The following S100A8 variants were observed in gnomAD, a reference collection of about 807,000 sequenced individuals.
S100A8 encodes protein S100-A8.
A neutral mutation model predicts 4.2 loss-of-function variants in S100A8; 1 was observed. The ratio of observed to expected loss-of-function variants is 0.24; its 90% CI spans 0.08 to 1.12. S100A8 has a LOEUF of 1.12. S100A8 is among the 50% of genes most tolerant of loss of function. S100A8 has a pLI of 0.53. For missense variants in S100A8, 96 were observed against 111.8 expected, an observed-to-expected ratio of 0.86 and a Z score of 0.64; for synonymous variants, 41 against 44.7, an observed-to-expected ratio of 0.92 and a Z score of 0.33.
chr1:153,418,037 T>A, the S100A8 span: 6 of 1,611,160 alleles, frequency 3.7e-6, no homozygotes, highest in East Asian at 4.5e-5. Context: ...CAAACTAAGG[T>A]AAGAAATGAT....
At chr1:153,403,473 C>T in the S100A8 span, among the ~76,000 whole-genome samples, 2 of 152,190 alleles carry the variant, frequency 1.3e-5, no homozygotes, top group African/African-American at 4.8e-5. Flanking sequence ...GCTCTACCTC[C>T]TGTCGAAATC....
chr1:153,421,773 A>C, the S100A8 span: 16 of 152,238 alleles, frequency 1.1e-4, no homozygotes, highest in African/African-American at 3.9e-4. Flanking sequence ...GGCCACTCCT[A>C]ATGTGGGCCT....
At chr1:153,422,170 TAGAACAG>T in the S100A8 span, 1 of 152,226 alleles carries the variant, frequency 6.6e-6, no homozygotes, top group Admixed American at 6.5e-5. Flanking sequence ...AGGTGGCTTA[TAGAACAG>T]AAGCAGATGG....
At chr1:153,411,368 C>T in the S100A8 span, among the ~76,000 whole-genome samples, 8 of 152,178 alleles carry the variant, frequency 5.3e-5, no homozygotes. Flanking sequence ...CATGAGTGAA[C>T]TCCCATTCAC....
chr1:153,394,732 GC>G (rs1662175699), upstream of S100A8, among the ~76,000 whole-genome samples: 1 of 152,124 alleles, frequency 6.6e-6, no homozygotes, highest in Non-Finnish European at 1.5e-5. Context: ...GGCAAATTCT[GC>G]CCCAGAGCCT....
chr1:153,417,953 T>C, the S100A8 span: 3 of 1,347,616 alleles, frequency 2.2e-6, no homozygotes, highest in Non-Finnish European at 3.0e-6. Flanking sequence ...TCAAGTTCCT[T>C]CTGCTCCATC....
the S100A8 span, among the ~76,000 whole-genome samples, chr1:153,409,946 A>T: frequency 1.3e-5 from 2 of 152,248 alleles, no homozygotes; most frequent in South Asian, 2.1e-4. Flanking sequence ...ACAAAGACAC[A>T]ACATACCAGA....
At chr1:153,410,536 A>G in the S100A8 span, among the ~76,000 whole-genome samples, 1 of 152,230 alleles carries the variant, frequency 6.6e-6, no homozygotes, top group Non-Finnish European at 1.5e-5. Flanking sequence ...TTCACAACCG[A>G]ATTCTACCAG....
the S100A8 span, chr1:153,417,879 C>T: frequency 8.7e-5 from 57 of 653,996 alleles, no homozygotes; most frequent in East Asian, 6.9e-4. Flanking sequence ...CAGGATGGGC[C>T]GGGTCTCAGA....
chr1:153,400,340 T>TG, the S100A8 span, among the ~76,000 whole-genome samples: 5 of 152,252 alleles, frequency 3.3e-5, no homozygotes, highest in East Asian at 9.7e-4. Flanking sequence ...AGATGCTACC[T>TG]GGGCCCCTGA....
the S100A8 span, among the ~76,000 whole-genome samples, chr1:153,406,298 T>C: frequency 6.6e-6 from 1 of 152,110 alleles, no homozygotes; most frequent in African/African-American, 2.4e-5. Context: ...AAACATAGCA[T>C]ATGTGTGGCC....
At chr1:153,390,715 G>A (rs984155432) in intron 1 of S100A8, 158 bp from the exon 2 acceptor site, 4 of 851,132 alleles carry the variant, frequency 4.7e-6, no homozygotes, top group Non-Finnish European at 7.2e-6. Context: ...TGGGAAGGGT[G>A]GGATGATAGG....
upstream of S100A8, chr1:153,391,288 GA>G: frequency 1.3e-6 from 1 of 796,892 alleles, no homozygotes; most frequent in South Asian, 5.7e-5. Flanking sequence ...ATAGTGCCCA[GA>G]AGGAAAAAGC....
chr1:153,390,579 G>A (rs1385864121), intron 1 of S100A8, 22 bp from the exon 2 acceptor site: 2 of 1,611,572 alleles, frequency 1.2e-6, no homozygotes, highest in South Asian at 1.1e-5. Context: ...AACCTTCTGG[G>A]GAATCCCATG....
chr1:153,418,336 A>G, the S100A8 span: 1 of 1,413,130 alleles, frequency 7.1e-7, no homozygotes, highest in East Asian at 2.3e-5. Flanking sequence ...AAAGTTTCCC[A>G]TTTGCAAATA....
the S100A8 span, among the ~76,000 whole-genome samples, chr1:153,400,195 TA>T: frequency 1.3e-5 from 2 of 152,186 alleles, no homozygotes; most frequent in Admixed American, 6.5e-5. Flanking sequence ...GAGGATTTTT[TA>T]AATCAGTTGG....
At chr1:153,404,662 C>A in the S100A8 span, among the ~76,000 whole-genome samples, 1 of 148,150 alleles carries the variant, frequency 6.7e-6, no homozygotes, top group Non-Finnish European at 1.5e-5. Flanking sequence ...CCTGTTTCTA[C>A]CACTTGATTA....
At chr1:153,415,219 A>C in the S100A8 span, among the ~76,000 whole-genome samples, 5 of 151,654 alleles carry the variant, frequency 3.3e-5, no homozygotes, top group African/African-American at 1.2e-4. Context: ...TTGCCGCTAA[A>C]AGTAATATTG....
the S100A8 span, among the ~76,000 whole-genome samples, chr1:153,405,625 A>G: frequency 1.3e-5 from 2 of 152,222 alleles, no homozygotes; most frequent in Admixed American, 1.3e-4. Context: ...CCTCCCGGCG[A>G]GCTAGCCATA....
Sources: allele counts gnomAD v4.1 joint callset (sites outside exome capture counted in the v4.1 genomes callset), GRCh38; gene constraint gnomAD v4.1.1; transcripts MANE v1.5; gene names NCBI Gene and HGNC (gene_info 2026-07-23, HGNC 2026-07-21).